The following IMMP2L variants were observed in gnomAD, a reference collection of about 807,000 sequenced individuals.
The protein encoded by IMMP2L is inner mitochondrial membrane peptidase subunit 2.
IMMP2L carries 18 observed loss-of-function variants against 19.3 expected under a neutral mutation model. The ratio of observed to expected loss-of-function variants is 0.93; its 90% CI spans 0.64 to 1.38. IMMP2L has a LOEUF of 1.38. Ranked by LOEUF, IMMP2L falls within the 40% of genes most tolerant of loss-of-function variation. The pLI, the probability that IMMP2L is intolerant of heterozygous loss-of-function variation, is 0.00. For missense variants in IMMP2L, 233 were observed against 218.2 expected, an observed-to-expected ratio of 1.07 and a Z score of -0.43; for synonymous variants, 76 against 73.0, an observed-to-expected ratio of 1.04 and a Z score of -0.21.
chr7:110,789,005 G>A (rs954029937), intron 5 of IMMP2L, among the ~76,000 whole-genome samples: 1 of 151,812 alleles, frequency 6.6e-6, no homozygotes, highest in South Asian at 2.1e-4. Flanking sequence ...GCTGTGCTGT[G>A]TGGAAGTCCA....
chr7:110,839,746 G>A (rs1234236358), intron 5 of IMMP2L, among the ~76,000 whole-genome samples: 1 of 151,884 alleles, frequency 6.6e-6, no homozygotes, highest in African/African-American at 2.4e-5. Flanking sequence ...AGCTATATAT[G>A]ATATCTATTC....
At chr7:110,862,220 T>C (rs1563033798) in intron 5 of IMMP2L, among the ~76,000 whole-genome samples, 3 of 151,796 alleles carry the variant, frequency 2.0e-5, no homozygotes, top group Admixed American at 6.6e-5. Context: ...TCAATTTTTT[T>C]TAATATATTT....
At chr7:111,026,618 G>A (rs569517065) in intron 3 of IMMP2L, among the ~76,000 whole-genome samples, 1 of 152,070 alleles carries the variant, frequency 6.6e-6, no homozygotes, top group African/African-American at 2.4e-5. Flanking sequence ...GAATCAAGTA[G>A]TTCAGAAAAA....
intron 3 of IMMP2L, among the ~76,000 whole-genome samples, chr7:111,465,149 C>T (rs1013337895): frequency 6.6e-6 from 1 of 152,122 alleles, no homozygotes; most frequent in African/African-American, 2.4e-5. Context: ...TCCAAAAGAT[C>T]AGTAACACCT....
intron 3 of IMMP2L, among the ~76,000 whole-genome samples, chr7:111,459,501 A>G (rs1358510870): frequency 6.6e-6 from 1 of 152,144 alleles, no homozygotes; most frequent in Non-Finnish European, 1.5e-5. Context: ...CTTACAAATG[A>G]TAAACAAACA....
chr7:110,989,880 T>G (rs1170964450), intron 3 of IMMP2L, among the ~76,000 whole-genome samples: 1 of 151,968 alleles, frequency 6.6e-6, no homozygotes, highest in African/African-American at 2.4e-5. Context: ...TGGAATATAT[T>G]TTTTATTTAA....
chr7:111,362,904 T>C (rs1829396930), intron 3 of IMMP2L, among the ~76,000 whole-genome samples: 1 of 152,052 alleles, frequency 6.6e-6, no homozygotes, highest in African/African-American at 2.4e-5. Context: ...AAGGAAAAGC[T>C]GCTTTCACTG....
intron 4 of IMMP2L, among the ~76,000 whole-genome samples, chr7:110,947,975 T>G (rs2129553774): frequency 6.6e-6 from 1 of 152,276 alleles, no homozygotes; most frequent in South Asian, 2.1e-4. Flanking sequence ...TATACAGGTT[T>G]CACTACACAA....
intron 3 of IMMP2L, among the ~76,000 whole-genome samples, chr7:110,964,110 C>T (rs774078426): frequency 6.6e-6 from 1 of 151,956 alleles, no homozygotes; most frequent in Non-Finnish European, 1.5e-5. Context: ...CTCACTTCCC[C>T]GTATCCTTCT....
intron 5 of IMMP2L, among the ~76,000 whole-genome samples, chr7:110,873,429 C>CAAAAAAA (rs60827428): frequency 2.1e-4 from 6 of 28,938 alleles, no homozygotes; most frequent in Non-Finnish European, 3.6e-4. Context: ...GACTCTATCT[C>CAAAAAAA]AAAAAAAAAA....
At chr7:110,926,606 T>C (rs184718918) in intron 4 of IMMP2L, among the ~76,000 whole-genome samples, 1 of 152,274 alleles carries the variant, frequency 6.6e-6, no homozygotes, top group Non-Finnish European at 1.5e-5. Context: ...TGTATTCCGT[T>C]AATTTTTCTC....
intron 1 of IMMP2L, among the ~76,000 whole-genome samples, chr7:111,539,258 GAAAGAAAGAA>G (rs1848302018): frequency 7.0e-6 from 1 of 142,742 alleles, no homozygotes; most frequent in Non-Finnish European, 1.5e-5. Context: ...AAGAAAGAAA[GAAAGAAAGAA>G]AGAGAACATA....
intron 2 of IMMP2L, among the ~76,000 whole-genome samples, chr7:111,504,503 T>C (rs1251123335): frequency 0.021 from 3,218 of 151,582 alleles, 106 homozygotes; most frequent in African/African-American, 0.074. Context: ...AAAAAGAGCC[T>C]GCATCACCAA....
chr7:111,005,090 A>C, intron 3 of IMMP2L, among the ~76,000 whole-genome samples: 1 of 152,154 alleles, frequency 6.6e-6, no homozygotes, highest in East Asian at 1.9e-4. Context: ...ATGTGAATTT[A>C]CTGCTCCAGA....
At chr7:111,192,235 A>G (rs1808961365) in intron 3 of IMMP2L, among the ~76,000 whole-genome samples, 1 of 152,140 alleles carries the variant, frequency 6.6e-6, no homozygotes, top group African/African-American at 2.4e-5. Context: ...TTATGAGATT[A>G]TGAGAGCTCA....
chr7:110,819,725 G>A (rs2131325343), intron 5 of IMMP2L, among the ~76,000 whole-genome samples: 1 of 152,150 alleles, frequency 6.6e-6, no homozygotes, highest in Admixed American at 6.6e-5. Context: ...AGAGCTAGAG[G>A]AGCTCAGAAT....
chr7:111,466,530 A>G (rs188409658), intron 3 of IMMP2L, among the ~76,000 whole-genome samples: 1 of 152,316 alleles, frequency 6.6e-6, no homozygotes, highest in Non-Finnish European at 1.5e-5. Context: ...CTCAGTTACG[A>G]TAACTATAAT....
intron 3 of IMMP2L, among the ~76,000 whole-genome samples, chr7:111,278,381 G>C (rs1326828414): frequency 6.6e-6 from 1 of 152,156 alleles, no homozygotes; most frequent in African/African-American, 2.4e-5. Flanking sequence ...GGGGGCTCCA[G>C]CCACTCTCAA....
rs1202349844 is a variant in IMMP2L, at chr7:110,679,784, A to C, written c.409-16063T>G. Among the ~76,000 whole-genome samples the C allele has an allele frequency of 2.0e-5, 3 of 152,200 alleles. No homozygotes were observed. The East Asian group carries it at 5.8e-4, about 29-fold the overall frequency. The stretch of plus-strand genomic sequence containing the variant: ...TTTCAAAATAAAAGGAGAGAGGCTT[A>C]GAAAATAAACAACCAGAAATGAAAG... On this transcript the variant is annotated intron_variant, in intron 5 of 5. Transcript: ENST00000405709.
Sources: gnomAD v4.1 joint callset for allele counts (sites outside exome capture counted in the v4.1 genomes callset) on GRCh38, gnomAD v4.1.1 for gene constraint, MANE v1.5 for transcripts, NCBI Gene and HGNC (gene_info 2026-07-23, HGNC 2026-07-21) for gene names.